Variants in CDIN1 observed in about 807,000 individuals in gnomAD.
CDIN1 encodes CDAN1-interacting nuclease 1.
Under a neutral mutation model 45.3 loss-of-function variants are expected in CDIN1, and 33 were observed. That is an observed-to-expected ratio of 0.73 (90% CI 0.55 to 0.97). The LOEUF (loss-of-function observed/expected upper bound fraction) is 0.97. CDIN1 is among the 50% of genes least tolerant of loss of function. CDIN1 has a pLI of 0.00. For missense variants in CDIN1, 303 were observed against 339.4 expected (o/e 0.89, Z 0.84); for synonymous variants, 118 against 124.4 (o/e 0.95, Z 0.34).
At chr15:36,657,178 T>C (rs1438731440) in intron 4 of CDIN1, among the ~76,000 whole-genome samples, 1 of 152,158 alleles carries the variant, frequency 6.6e-6, no homozygotes, top group Non-Finnish European at 1.5e-5. Flanking sequence ...TCTGTATTAA[T>C]TAAATTGGTA....
At chr15:36,694,386 C>T (rs1241794932) in intron 7 of CDIN1, among the ~76,000 whole-genome samples, 1 of 152,112 alleles carries the variant, frequency 6.6e-6, no homozygotes, top group Non-Finnish European at 1.5e-5. Flanking sequence ...TGCTTACTCT[C>T]AGTAAATTAC....
rs542327554 is a variant in CDIN1 at position 36,677,817 on chromosome 15, G to T, written c.347-13868G>T. 1.3e-4 allele frequency among the ~76,000 whole-genome samples: 20 copies of T among 152,272 alleles called. No individual in the cohort carries two copies. In the East Asian group the frequency reaches 3.7e-3, roughly 28 times the overall value. On this transcript the variant is annotated intron_variant, in intron 5 of 10. Coordinates refer to ENST00000566621, the MANE Select transcript of CDIN1 (RefSeq NM_001321759.2). The stretch of plus-strand genomic sequence containing the variant: ...GTCAGGAAAAAAAATTCCAGATTTG[G>T]AAGTTGTGTGTGTGAGTGTGGAGAA...
At chr15:36,613,799 A>T in intron 1 of CDIN1, 1 of 1,603,848 alleles carries the variant, frequency 6.2e-7, no homozygotes, top group Non-Finnish European at 8.5e-7. Flanking sequence ...ACTCCAGGAA[A>T]TCCAACCCAA....
intron 3 of CDIN1, among the ~76,000 whole-genome samples, chr15:36,646,521 C>G (rs1279610494): frequency 6.6e-6 from 1 of 151,984 alleles, no homozygotes; most frequent in Non-Finnish European, 1.5e-5. Context: ...AAAGTCATAA[C>G]CTTCTTGGTG....
intron 10 of CDIN1, among the ~76,000 whole-genome samples, chr15:36,804,919 C>A (rs994992624): frequency 2.6e-5 from 4 of 151,786 alleles, no homozygotes; most frequent in African/African-American, 4.8e-5. Context: ...AAGTGATTGG[C>A]CTGCCTCAGC....
chr15:36,697,377 C>G lies in CDIN1; in HGVS notation c.531C>G (p.Asn177Lys). The part of the protein sequence containing the change: ...VLLRDLLLEK[N>K]LSFLDEDQLR... ...TGAGAGACTTGCTTCTAGAGAAAAA[C>G]CTGTCCTTCCTAGGTAAGTATTATT... The change falls in exon 8 of 11, where the codon AAC (asparagine) becomes AAG (lysine). Residue 177 changes from asparagine (N) to lysine (K), a missense_variant. Asn to Lys is a moderately conservative substitution (Grantham distance 94). Coordinates refer to ENST00000566621, the MANE Select transcript of CDIN1 (RefSeq NM_001321759.2). 6.2e-7 allele frequency: 1 copy of G among 1,611,692 alleles called. No individual in the cohort carries two copies. Among genetic ancestry groups the G allele is most frequent in the South Asian group, 1.1e-5 (1 of 90,784 alleles).
At chr15:36,785,206 A>G (rs1295537592) in intron 10 of CDIN1, among the ~76,000 whole-genome samples, 1 of 152,200 alleles carries the variant, frequency 6.6e-6, no homozygotes, top group East Asian at 1.9e-4. Context: ...CTATAAGTCA[A>G]TCACAAAATA....
rs189212282 is a variant in CDIN1 at position 36,693,396 on chromosome 15, A to G, written c.476+1221A>G. 1.0e-3 allele frequency among the ~76,000 whole-genome samples: 159 copies of G among 152,330 alleles called. 1 individual carries two copies. Among genetic ancestry groups the G allele is most frequent in the Middle Eastern group, 3.4e-3 (1 of 294 alleles). On this transcript the variant is annotated intron_variant, in intron 7 of 10. Transcript: ENST00000566621. ...AAAGTGAAATTGTACTTCTATATTC[A>G]GTATAAAATTAATGATAGTGTTAGA...
At chr15:36,789,997 C>CT (rs2054603900) in intron 10 of CDIN1, among the ~76,000 whole-genome samples, 2 of 152,096 alleles carry the variant, frequency 1.3e-5, no homozygotes, top group South Asian at 4.1e-4. Flanking sequence ...ATGTTGGGAG[C>CT]TGTGGGTGAT....
At chr15:36,753,579 A>G (rs2053530962) in intron 10 of CDIN1, among the ~76,000 whole-genome samples, 1 of 151,812 alleles carries the variant, frequency 6.6e-6, no homozygotes, top group Non-Finnish European at 1.5e-5. Context: ...GTATTTGCAT[A>G]GACAAAATGG....
At chr15:36,634,943 A>G (rs567992426) in intron 1 of CDIN1, among the ~76,000 whole-genome samples, 123 of 152,314 alleles carry the variant, frequency 8.1e-4, no homozygotes, top group African/African-American at 2.5e-3. Flanking sequence ...TTGGAGGACT[A>G]TGTTTTTAAT....
chr15:36,788,647 A>C (rs1469903247), intron 10 of CDIN1, among the ~76,000 whole-genome samples: 1 of 152,226 alleles, frequency 6.6e-6, no homozygotes, highest in Non-Finnish European at 1.5e-5. Flanking sequence ...TTTCAAAACA[A>C]AATTATTACT....
chr15:36,598,831 T>G (rs1006397875), intron 1 of CDIN1, among the ~76,000 whole-genome samples: 20 of 152,136 alleles, frequency 1.3e-4, no homozygotes, highest in African/African-American at 2.2e-4. Flanking sequence ...TTGTTTGTTT[T>G]TTTGTTTGTT....
chr15:36,776,274 T>C (rs1474471061), intron 10 of CDIN1, among the ~76,000 whole-genome samples: 2 of 152,198 alleles, frequency 1.3e-5, no homozygotes, highest in African/African-American at 4.8e-5. Flanking sequence ...CCTAAATCTG[T>C]ATTGGAGAGA....
At chr15:36,664,086 G>A (rs2041139433) in intron 5 of CDIN1, among the ~76,000 whole-genome samples, 1 of 152,186 alleles carries the variant, frequency 6.6e-6, no homozygotes, top group South Asian at 2.1e-4. Flanking sequence ...TAGTGAGGAA[G>A]TAAAAGGAAC....
intron 10 of CDIN1, among the ~76,000 whole-genome samples, chr15:36,722,321 C>CTCTG (rs2043451689): frequency 6.6e-6 from 1 of 151,706 alleles, no homozygotes; most frequent in African/African-American, 2.4e-5. Context: ...CTCTCTCTCT[C>CTCTG]TCTCTCTCTC....
intron 5 of CDIN1, among the ~76,000 whole-genome samples, chr15:36,678,177 TTTATGCAGTGGGAGAGCCAGTGGGCTA>T (rs1306459137): frequency 3.3e-5 from 5 of 152,174 alleles, no homozygotes; most frequent in Non-Finnish European, 7.4e-5. Context: ...AGATTTCACT[TTTATGCAGTGGGAGAGCCAGTGGGCTA>T]GTGCTTAGAA....
At chr15:36,636,250 A>G (rs1195652464) in intron 1 of CDIN1, among the ~76,000 whole-genome samples, 1 of 152,134 alleles carries the variant, frequency 6.6e-6, no homozygotes, top group African/African-American at 2.4e-5. Flanking sequence ...GCACTGATGG[A>G]GTTATTAAAA....
chr15:36,740,291 G>A (rs1279425425), intron 10 of CDIN1, among the ~76,000 whole-genome samples: 1 of 152,136 alleles, frequency 6.6e-6, no homozygotes. Context: ...TGGGATATGA[G>A]TGAGGTAGAT....
Sources: allele counts gnomAD v4.1 joint callset (sites outside exome capture counted in the v4.1 genomes callset), GRCh38; gene constraint gnomAD v4.1.1; transcripts MANE v1.5; gene names NCBI Gene and HGNC (gene_info 2026-07-23, HGNC 2026-07-21).